The following FANCC variants were observed in gnomAD, a reference collection of about 807,000 sequenced individuals.
FANCC encodes FA complementation group C.
A neutral mutation model predicts 71.3 loss-of-function variants in FANCC; 55 were observed. The observed-to-expected ratio is 0.77, with a 90% CI of 0.62 to 0.97. FANCC has a LOEUF of 0.97. Ranked by LOEUF, FANCC falls within the 50% of genes least tolerant of loss-of-function variation. The pLI, the probability that FANCC is intolerant of heterozygous loss-of-function variation, is 0.00. For synonymous variants in FANCC, 275 were observed against 244.9 expected (o/e 1.12, Z -1.15); for missense variants, 678 against 670.9 (o/e 1.01, Z -0.12).
intron 11 of FANCC, among the ~76,000 whole-genome samples, chr9:95,115,021 G>A (rs189742738): frequency 1.5e-4 from 23 of 152,280 alleles, no homozygotes; most frequent in African/African-American, 4.3e-4. Context: ...GTTCACTGCA[G>A]CCCCAACCTC....
intron 4 of FANCC, among the ~76,000 whole-genome samples, chr9:95,192,206 G>A (rs1202861856): frequency 2.0e-5 from 3 of 152,170 alleles, no homozygotes; most frequent in Non-Finnish European, 4.4e-5. Context: ...CCAACGACAG[G>A]AGGAGCAGGG....
chr9:95,156,068 T>C (rs1355720456), intron 6 of FANCC, among the ~76,000 whole-genome samples: 2 of 152,146 alleles, frequency 1.3e-5, no homozygotes, highest in South Asian at 2.1e-4. Flanking sequence ...TTGTGCCAGA[T>C]TGTGCCACTT....
chr9:95,253,111 T>C (rs1831453616), intron 1 of FANCC, among the ~76,000 whole-genome samples: 1 of 152,164 alleles, frequency 6.6e-6, no homozygotes, highest in Non-Finnish European at 1.5e-5. Context: ...GAAATGTATC[T>C]GATTGTTTTA....
At chr9:95,248,748 C>A (rs1831151829) in intron 2 of FANCC, among the ~76,000 whole-genome samples, 1 of 151,898 alleles carries the variant, frequency 6.6e-6, no homozygotes, top group African/African-American at 2.4e-5. Context: ...TAATATCTAT[C>A]ATCTCTTAGG....
chr9:95,180,119 A>G (rs895220217), intron 4 of FANCC, among the ~76,000 whole-genome samples: 13 of 152,206 alleles, frequency 8.5e-5, no homozygotes, highest in Non-Finnish European at 1.6e-4. Flanking sequence ...AAAAATTTAA[A>G]TATTAAAGAG....
intron 7 of FANCC, among the ~76,000 whole-genome samples, chr9:95,146,520 C>T (rs1198850474): frequency 3.8e-5 from 4 of 106,106 alleles, no homozygotes; most frequent in Admixed American, 2.8e-4. Flanking sequence ...AAATTGAAAA[C>T]GTAAATAGTA....
intron 14 of FANCC, among the ~76,000 whole-genome samples, chr9:95,104,187 T>G (rs1025907568): frequency 6.6e-5 from 10 of 152,116 alleles, no homozygotes; most frequent in South Asian, 2.1e-4. Flanking sequence ...CCAGAGGCCC[T>G]CCCTGCCACG....
intron 1 of FANCC, among the ~76,000 whole-genome samples, chr9:95,259,530 C>A (rs1415155544): frequency 1.3e-5 from 2 of 152,162 alleles, no homozygotes; most frequent in Non-Finnish European, 2.9e-5. Context: ...ACACCTTATA[C>A]AAAAATTAAC....
At chr9:95,287,927 CT>C (rs1316758290) in intron 1 of FANCC, among the ~76,000 whole-genome samples, 2 of 151,820 alleles carry the variant, frequency 1.3e-5, no homozygotes, top group Admixed American at 6.6e-5. Context: ...TTGGTATGGA[CT>C]TTTTTTTACC....
At chr9:95,104,605 T>C (rs1288932720) in intron 14 of FANCC, among the ~76,000 whole-genome samples, 1 of 152,196 alleles carries the variant, frequency 6.6e-6, no homozygotes, top group Non-Finnish European at 1.5e-5. Context: ...CTGCTTTGAA[T>C]GTGGACTGAA....
intron 6 of FANCC, among the ~76,000 whole-genome samples, chr9:95,164,215 G>C (rs1219114791): frequency 1.3e-5 from 2 of 152,186 alleles, no homozygotes; most frequent in Non-Finnish European, 2.9e-5. Flanking sequence ...TCTGTGAACA[G>C]AGACAATTTT....
intron 7 of FANCC, among the ~76,000 whole-genome samples, chr9:95,148,827 T>C (rs1829910617): frequency 1.3e-5 from 2 of 152,358 alleles, no homozygotes; most frequent in East Asian, 3.9e-4. Context: ...ACATTGCAAC[T>C]ACCCTTTAAA....
intron 6 of FANCC, among the ~76,000 whole-genome samples, chr9:95,157,038 T>C (rs866653169): frequency 2.0e-5 from 3 of 152,300 alleles, no homozygotes; most frequent in Middle Eastern, 6.8e-3. Flanking sequence ...CTAATTCCTC[T>C]CCTTTCACAA....
chr9:95,284,393 T>C (rs898383437), intron 1 of FANCC, among the ~76,000 whole-genome samples: 7 of 152,234 alleles, frequency 4.6e-5, no homozygotes, highest in Admixed American at 2.0e-4. Flanking sequence ...AGTCATGAGT[T>C]GTATAAACAC....
At chr9:95,212,098 A>T (rs1046013434) in intron 4 of FANCC, among the ~76,000 whole-genome samples, 1 of 152,206 alleles carries the variant, frequency 6.6e-6, no homozygotes, top group African/African-American at 2.4e-5. Context: ...GGGGAAAATT[A>T]TGACAAGAAC....
In FANCC at chr9:95,117,317, T is replaced by A; in HGVS notation, c.1070A>T (p.Gln357Leu). Residue 357 changes from glutamine (Q) to leucine (L), a missense_variant and splice_region_variant, in exon 11 of 15, where the codon CAA becomes CTA. Gln to Leu is a moderately radical substitution (Grantham distance 113, BLOSUM62 -2). Coordinates refer to ENST00000289081, the MANE Select transcript of FANCC (RefSeq NM_000136.3). ...SLAMVLLQDP[Q>L]DIPRGHWLQT... ...GGGCAAAGTCAACCCTAACTCACCT[T>A]GAGGGTCTTGCAGCAGCACCATGGC... is the stretch of plus-strand genomic sequence containing the variant. The A allele has an allele frequency of 6.2e-7, 1 of 1,614,040 alleles. No homozygotes were observed. Among genetic ancestry groups the A allele is most frequent in the Non-Finnish European group, 8.5e-7 (1 of 1,179,988 alleles).
intron 1 of FANCC, among the ~76,000 whole-genome samples, chr9:95,268,130 A>G (rs773632710): frequency 6.6e-6 from 1 of 152,254 alleles, no homozygotes; most frequent in Admixed American, 6.5e-5. Flanking sequence ...ATATAGGTGA[A>G]GTAACTTTCG....
Position 95,259,235 on chromosome 9 carries a change from C to A in FANCC, c.-78-9866G>T, listed in dbSNP as rs190025420. On this transcript the variant is annotated intron_variant, in intron 1 of 14. Coordinates refer to ENST00000289081, the MANE Select transcript of FANCC (RefSeq NM_000136.3). ...CAAAAAAAAGTCCATATAGCCAAGA[C>A]AATCCTAAGCAAAAAGAACAAAGGT... Among the ~76,000 whole-genome samples, 21 of 152,268 alleles carry A rather than the reference C, an allele frequency of 1.4e-4. No individual in the cohort carries two copies. In the East Asian group the frequency reaches 3.5e-3, roughly 25 times the overall value.
intron 1 of FANCC, among the ~76,000 whole-genome samples, chr9:95,270,607 A>G (rs527580380): frequency 6.6e-6 from 1 of 152,382 alleles, no homozygotes; most frequent in South Asian, 2.1e-4. Flanking sequence ...CAGCAGTCGC[A>G]GGGAGGATAA....
Sources: allele counts gnomAD v4.1 joint callset (sites outside exome capture counted in the v4.1 genomes callset), GRCh38; gene constraint gnomAD v4.1.1; transcripts MANE v1.5; gene names NCBI Gene and HGNC (gene_info 2026-07-23, HGNC 2026-07-21).